CTR9: variants seen among roughly 807,000 people sequenced by gnomAD.
The protein encoded by CTR9 is RNA polymerase-associated protein CTR9 homolog.
Under a neutral mutation model 152.1 loss-of-function variants are expected in CTR9, and 41 were observed. That is an observed-to-expected ratio of 0.27 (90% CI 0.21 to 0.35). The LOEUF (loss-of-function observed/expected upper bound fraction) is 0.35. CTR9 is among the 10% of genes least tolerant of loss of function. The pLI, the probability that CTR9 is intolerant of heterozygous loss-of-function variation, is 1.00. For synonymous variants in CTR9, 476 were observed against 496.2 expected (o/e 0.96, Z 0.54); for missense variants, 917 against 1,424.4 (o/e 0.64, Z 5.73).
intron 16 of CTR9, 75 bp downstream of exon 16, chr11:10,768,566 C>G: frequency 1.4e-6 from 2 of 1,445,728 alleles, no homozygotes; most frequent in East Asian, 2.4e-5. Flanking sequence ...CATTCTGGCC[C>G]TGTCATGGAG....
Position 10,770,248 on chromosome 11 carries a change from C to T in CTR9, c.2148C>T (p.Asn716=). The T allele has an allele frequency of 6.2e-7, 1 of 1,613,824 alleles. No homozygotes were observed. The highest frequency in any genetic ancestry group is 8.5e-7 in the Non-Finnish European group (1 of 1,179,930). ...TCCGAAAGTTCTATAAGCACCAAAA[C>T]ACTGAAGTTGTACTCTATTTGGCCC... ...NCLRKFYKHQ[N]TEVVLYLARA... Residue 716 remains asparagine (N), a synonymous_variant, in exon 17 of 25, where the codon AAC becomes AAT. Coordinates refer to ENST00000361367, the MANE Select transcript of CTR9 (RefSeq NM_014633.5).
chr11:10,763,382 C>A, intron 7 of CTR9, 49 bp from the exon 8 acceptor site: 1 of 1,248,364 alleles, frequency 8.0e-7, no homozygotes, highest in East Asian at 2.3e-5. Context: ...AACAGCTATG[C>A]AAGCTAGTCT....
At position 10,764,943 on chromosome 11, in the gene CTR9, T is replaced by A. The variant is rs114479290; in HGVS notation, c.1597+212T>A. ...TAAGCAACTAAAACCAATTGGACCG[T>A]ATTTCAATGACTAGGTTATCTTCAG... On this transcript the variant is annotated intron_variant, in intron 12 of 24. Transcript: ENST00000361367. Among the ~76,000 whole-genome samples, 1,227 of 152,326 alleles carry A rather than the reference T, an allele frequency of 8.1e-3. 13 individuals carry two copies. The highest frequency in any genetic ancestry group is 0.028 in the African/African-American group (1,167 of 41,564).
chr11:10,764,866 A>C (rs1406678102), intron 12 of CTR9, 135 bp downstream of exon 12: 3 of 763,490 alleles, frequency 3.9e-6, no homozygotes, highest in African/African-American at 3.5e-5. Context: ...CTCCAGGGCA[A>C]ATTTGTGGCC....
At chr11:10,758,251 G>T (rs546200817) in intron 5 of CTR9, among the ~76,000 whole-genome samples, 2 of 152,238 alleles carry the variant, frequency 1.3e-5, no homozygotes, top group African/African-American at 4.8e-5. Flanking sequence ...TATTTAAAAG[G>T]TTCGTTTGAG....
chr11:10,751,321 G>C lies in CTR9; in HGVS notation c.-92G>C. 7.3e-7 allele frequency: 1 copy of C among 1,375,134 alleles called. No individual in the cohort carries two copies. The highest frequency in any genetic ancestry group is 2.3e-5 in the East Asian group (1 of 43,458). The allele number at this position is 1,375,134 out of a possible 1,614,324, so 85.2% of individuals were successfully genotyped here. On this transcript the variant is annotated 5_prime_UTR_variant, in exon 1 of 25. Transcript: ENST00000361367. ...CGGGGCGGCAGTCAAGACCAGAGCC[G>C]GAGCCGTCACTCACCTCTGGATTAG...
At chr11:10,778,634 G>T in intron 24 of CTR9, 45 bp from the exon 25 acceptor site, 1 of 1,570,930 alleles carries the variant, frequency 6.4e-7, no homozygotes, top group Non-Finnish European at 8.7e-7. Context: ...CAAGGCCCCA[G>T]TTAGCCAGAA....
chr11:10,774,100 A>G lies in CTR9; in HGVS notation c.2816A>G (p.Lys939Arg). 6.2e-7 allele frequency: 1 copy of G among 1,609,716 alleles called. No homozygotes were observed. ...LPISKKKKRR[K>R]GSGSEQEGED... is the part of the protein sequence containing the mutation. ...ATATCCAAAAAGAAGAAGAGAAGAA[A>G]GGGTAGTGGCAGTGAACAAGAAGGT... is the stretch of plus-strand genomic sequence containing the variant. Residue 939 changes from lysine to arginine, a missense_variant, in exon 22 of 25, where the codon AAG becomes AGG. By Grantham distance (26) the Lys-to-Arg change is conservative. Transcript: ENST00000361367.
At chr11:10,775,495 A>G in intron 23 of CTR9, 26 bp from the exon 24 acceptor site, 1 of 1,576,544 alleles carries the variant, frequency 6.3e-7, no homozygotes, top group Middle Eastern at 1.7e-4. Flanking sequence ...AGTCTTGACT[A>G]ATCTATTATG....
chr11:10,752,269 A>G (rs1862816640), intron 1 of CTR9, among the ~76,000 whole-genome samples: 1 of 152,202 alleles, frequency 6.6e-6, no homozygotes, highest in African/African-American at 2.4e-5. Context: ...TAATGTGTGC[A>G]GTGGCATTCA....
At chr11:10,765,586 C>T (rs1161804783) in intron 12 of CTR9, among the ~76,000 whole-genome samples, 10 of 152,042 alleles carry the variant, frequency 6.6e-5, no homozygotes, top group African/African-American at 1.2e-4. Context: ...CTCAGCCTCC[C>T]GAGTAATTGG....
Position 10,752,769 on chromosome 11 carries a change from C to T in CTR9, c.143C>T (p.Ala48Val), listed in dbSNP as rs1441637343. ...HTQLHIWIAL[A>V]LEYYKQGKTE... ...CAACTGCACATATGGATTGCTTTGG[C>T]GGTCAGTATTCATGTAGCAAATATT... is the stretch of plus-strand genomic sequence containing the variant. The change falls in exon 2 of 25, where the codon GCG (alanine) becomes GTG (valine). Residue 48 changes from alanine to valine, a missense_variant and splice_region_variant. By Grantham distance (64) the Ala-to-Val change is moderately conservative. Transcript: ENST00000361367. The T allele has an allele frequency of 6.2e-7, 1 of 1,610,058 alleles. No homozygotes were observed. The highest frequency in any genetic ancestry group is 8.5e-7 in the Non-Finnish European group (1 of 1,176,906).
chr11:10,765,258 C>G (rs751305141), intron 12 of CTR9, among the ~76,000 whole-genome samples: 1 of 152,132 alleles, frequency 6.6e-6, no homozygotes, highest in African/African-American at 2.4e-5. Context: ...GCAGCGGGAT[C>G]GCTTGAGTCC....
At chr11:10,752,887 A>T (rs1564963979) in intron 2 of CTR9, 117 bp downstream of exon 2, 6 of 739,098 alleles carry the variant, frequency 8.1e-6, no homozygotes, top group Non-Finnish European at 1.4e-5. Context: ...TACCATGTGT[A>T]TGGAAGTTAA....
intron 19 of CTR9, 120 bp from the exon 20 acceptor site, chr11:10,772,400 T>C: frequency 1.2e-6 from 1 of 826,164 alleles, no homozygotes; most frequent in African/African-American, 1.8e-5. Flanking sequence ...AAAAAAGACT[T>C]CACATAGATC....
intron 2 of CTR9, among the ~76,000 whole-genome samples, chr11:10,754,719 A>G (rs1590017116): frequency 6.6e-6 from 1 of 152,188 alleles, no homozygotes; most frequent in Admixed American, 6.5e-5. Context: ...TTCATTCAGC[A>G]TAATTATTTT....
chr11:10,752,807 A>G (rs761465438), intron 2 of CTR9, 37 bp downstream of exon 2: 5 of 1,507,552 alleles, frequency 3.3e-6, no homozygotes, highest in Admixed American at 3.4e-5. Flanking sequence ...TTATTTGTTG[A>G]CTAGGAAAAT....
At chr11:10,759,326 C>G (rs1438464734) in intron 5 of CTR9, among the ~76,000 whole-genome samples, 1 of 152,194 alleles carries the variant, frequency 6.6e-6, no homozygotes, top group Non-Finnish European at 1.5e-5. Flanking sequence ...CCAACAGTGT[C>G]AAATTCTGTT....
intron 5 of CTR9, among the ~76,000 whole-genome samples, chr11:10,758,969 G>A (rs1862930963): frequency 1.3e-5 from 2 of 152,116 alleles, no homozygotes; most frequent in Admixed American, 6.5e-5. Flanking sequence ...TTTTCTGGTG[G>A]CCATTCTTAC....
Sources: gnomAD v4.1 joint callset for allele counts (sites outside exome capture counted in the v4.1 genomes callset) on GRCh38, gnomAD v4.1.1 for gene constraint, MANE v1.5 for transcripts, NCBI Gene and HGNC (gene_info 2026-07-23, HGNC 2026-07-21) for gene names.